PSPC1: variants seen among roughly 807,000 people sequenced by gnomAD.
The protein encoded by PSPC1 is paraspeckle component 1.
A neutral mutation model predicts 51.6 loss-of-function variants in PSPC1; 14 were observed. That is an observed-to-expected ratio of 0.27 (90% CI 0.18 to 0.42). The LOEUF is 0.42. Ranked by LOEUF, PSPC1 falls within the 10% of genes least tolerant of loss-of-function variation. PSPC1 has a pLI of 1.00. For synonymous variants in PSPC1, 193 were observed against 231.9 expected, an observed-to-expected ratio of 0.83 and a Z score of 1.53; for missense variants, 406 against 701.1, an observed-to-expected ratio of 0.58 and a Z score of 4.75.
At chr13:19,673,337 A>G (rs1876264550), downstream of PSPC1, 1 of 297,924 alleles carries the variant, frequency 3.4e-6, no homozygotes, top group Admixed American at 4.2e-5. Flanking sequence ...TTTAATGAAA[A>G]CTTTTCAGAA....
intron 6 of PSPC1, among the ~76,000 whole-genome samples, chr13:19,713,376 A>G (rs73166977): frequency 0.02 from 3,069 of 152,118 alleles, 44 homozygotes; most frequent in Non-Finnish European, 0.026. Flanking sequence ...TTTAGACATA[A>G]TGAAACTGAG....
downstream of PSPC1, among the ~76,000 whole-genome samples, chr13:19,671,643 T>C (rs891475446): frequency 6.6e-6 from 1 of 152,196 alleles, no homozygotes; most frequent in Non-Finnish European, 1.5e-5. Context: ...AATAAAACAG[T>C]AATATAAAAT....
intron 6 of PSPC1, among the ~76,000 whole-genome samples, chr13:19,717,831 G>A (rs1024049638): frequency 4.0e-5 from 6 of 151,352 alleles, no homozygotes; most frequent in African/African-American, 1.5e-4. Flanking sequence ...AGCTGAGATC[G>A]TGCCACTGCA....
intron 6 of PSPC1, among the ~76,000 whole-genome samples, chr13:19,711,567 G>A (rs1881426519): frequency 6.6e-6 from 1 of 151,306 alleles, no homozygotes; most frequent in African/African-American, 2.4e-5. Flanking sequence ...GAACCCAGGA[G>A]GCAGAGGTTG....
chr13:19,766,111 G>A (rs922485452), intron 2 of PSPC1, among the ~76,000 whole-genome samples: 15 of 152,190 alleles, frequency 9.9e-5, no homozygotes, highest in African/African-American at 1.9e-4. Flanking sequence ...AGTGGCTCAC[G>A]CCTGTAATCC....
chr13:19,706,256 T>C (rs1481269176), intron 7 of PSPC1, among the ~76,000 whole-genome samples: 1 of 151,938 alleles, frequency 6.6e-6, no homozygotes, highest in Non-Finnish European at 1.5e-5. Context: ...AGCAGTAAAT[T>C]ATGCTAAGTT....
chr13:19,769,388 T>C (rs1410845438), intron 2 of PSPC1, among the ~76,000 whole-genome samples: 10 of 152,016 alleles, frequency 6.6e-5, no homozygotes, highest in Non-Finnish European at 1.5e-4. Flanking sequence ...ACCCCGTCTC[T>C]ACTAAAAATA....
chr13:19,684,907 G>A (rs750489331), intron 6 of PSPC1, among the ~76,000 whole-genome samples: 36 of 152,242 alleles, frequency 2.4e-4, no homozygotes, highest in Non-Finnish European at 4.9e-4. Flanking sequence ...ATGTTTTAAT[G>A]GTTTGCTTTA....
chr13:19,709,122 G>C (rs2137767804), intron 7 of PSPC1, among the ~76,000 whole-genome samples: 1 of 127,652 alleles, frequency 7.8e-6, no homozygotes, highest in East Asian at 2.5e-4. Context: ...TTGTGCCACT[G>C]TACTCCAGCC....
intron 6 of PSPC1, among the ~76,000 whole-genome samples, chr13:19,719,829 A>G (rs527285186): frequency 6.7e-6 from 1 of 149,352 alleles, no homozygotes; most frequent in South Asian, 2.1e-4. Flanking sequence ...ACATAAATTA[A>G]TTGTTAAAGA....
At chr13:19,764,508 T>C (rs1020854154) in intron 2 of PSPC1, among the ~76,000 whole-genome samples, 11 of 151,894 alleles carry the variant, frequency 7.2e-5, no homozygotes, top group South Asian at 2.1e-4. Context: ...AGGTAAAATA[T>C]ACAGTACTAA....
chr13:19,722,863 AC>A lies in PSPC1; in HGVS notation c.1158+7375del, dbSNP rs1305396378. Among the ~76,000 whole-genome samples the A allele has an allele frequency of 3.3e-5, 5 of 152,256 alleles. No individual in the cohort carries two copies. The East Asian group carries it at 7.7e-4, about 24-fold the overall frequency. On this transcript the variant is annotated intron_variant, in intron 6 of 8. Transcript: ENST00000338910. ...AGTGACTCATGCCTGTAATCCCAGCACTTTGGGAGGCCAAGGCAGGTGGATC... is the reference window on the plus strand; with the variant it reads ...AGTGACTCATGCCTGTAATCCCAGCATTTGGGAGGCCAAGGCAGGTGGATC...
intron 6 of PSPC1, among the ~76,000 whole-genome samples, chr13:19,726,095 G>A (rs562788836): frequency 6.6e-6 from 1 of 152,238 alleles, no homozygotes; most frequent in African/African-American, 2.4e-5. Flanking sequence ...GTTTGAGGCT[G>A]TAGTGTGCTA....
intron 2 of PSPC1, among the ~76,000 whole-genome samples, chr13:19,763,993 A>T (rs1887821817): frequency 6.6e-6 from 1 of 151,038 alleles, no homozygotes; most frequent in Admixed American, 6.6e-5. Context: ...GCAGACTGAA[A>T]CCCTGTCTCG....
At chr13:19,673,088 G>GTT, downstream of PSPC1, 3 of 292,958 alleles carry the variant, frequency 1.0e-5, no homozygotes, top group Admixed American at 4.2e-5. Flanking sequence ...AACCTATACG[G>GTT]TTTTTTTTTG....
At chr13:19,763,419 C>A (rs1395699048) in intron 2 of PSPC1, among the ~76,000 whole-genome samples, 2 of 152,146 alleles carry the variant, frequency 1.3e-5, no homozygotes, top group East Asian at 3.9e-4. Flanking sequence ...TCTGAAGTTA[C>A]TGCTTGGGTT....
At chr13:19,779,396 G>A (rs866164964) in intron 1 of PSPC1, among the ~76,000 whole-genome samples, 1,763 of 86,944 alleles carry the variant, frequency 0.02, 8 homozygotes, top group Non-Finnish European at 0.023. Flanking sequence ...TCAGCCCCCC[G>A]CCCGGCCAGC....
intron 7 of PSPC1, chr13:19,675,929 G>A (rs1876584578): frequency 6.6e-6 from 1 of 152,174 alleles, no homozygotes; most frequent in African/African-American, 2.4e-5. Flanking sequence ...TGTTTCTGGA[G>A]TGAACCTCGG....
chr13:19,703,481 A>C, intron 8 of PSPC1, 121 bp from the exon 9 acceptor site: 1 of 1,064,936 alleles, frequency 9.4e-7, no homozygotes, highest in Non-Finnish European at 1.3e-6. Context: ...CAGAAAGTCC[A>C]GCAGAATCAG....
Sources: gnomAD v4.1 joint callset for allele counts (sites outside exome capture counted in the v4.1 genomes callset) on GRCh38, gnomAD v4.1.1 for gene constraint, MANE v1.5 for transcripts, NCBI Gene and HGNC (gene_info 2026-07-23, HGNC 2026-07-21) for gene names.